The following DZIP1L variants were observed in gnomAD, a reference collection of about 807,000 sequenced individuals.
DZIP1L encodes cilium assembly protein DZIP1L.
Under a neutral mutation model 88.7 loss-of-function variants are expected in DZIP1L, and 90 were observed. That is an observed-to-expected ratio of 1.02 (90% CI 0.86 to 1.21). The LOEUF is 1.21. Among genes scored for constraint, DZIP1L ranks in the 50% most tolerant of loss-of-function variants. DZIP1L has a pLI of 0.00. For missense variants in DZIP1L, 932 were observed against 955.8 expected (o/e 0.98, Z 0.33); for synonymous variants, 363 against 372.1 (o/e 0.98, Z 0.28).
At chr3:138,070,377 T>C (rs1450130681) in intron 12 of DZIP1L, among the ~76,000 whole-genome samples, 2 of 152,242 alleles carry the variant, frequency 1.3e-5, no homozygotes, top group African/African-American at 4.8e-5. Flanking sequence ...TACCCTTCTG[T>C]CTGAGATTTC....
At chr3:138,114,235 C>G (rs1257944745) in intron 1 of DZIP1L, among the ~76,000 whole-genome samples, 1 of 152,204 alleles carries the variant, frequency 6.6e-6, no homozygotes, top group Non-Finnish European at 1.5e-5. Flanking sequence ...GGCAGCCTTT[C>G]CCTGCTCCTA....
chr3:138,080,777 C>T (rs185011519), intron 9 of DZIP1L, among the ~76,000 whole-genome samples, 157 bp from the exon 10 acceptor site: 13 of 152,220 alleles, frequency 8.5e-5, no homozygotes, highest in Admixed American at 3.3e-4. Flanking sequence ...CAGACACTGG[C>T]GGCAGAAAGA....
chr3:138,108,824 T>C (rs934033718), intron 1 of DZIP1L, among the ~76,000 whole-genome samples: 1 of 152,176 alleles, frequency 6.6e-6, no homozygotes, highest in Non-Finnish European at 1.5e-5. Flanking sequence ...TGTGTGATGA[T>C]AAATGGCAAC....
intron 2 of DZIP1L, among the ~76,000 whole-genome samples, chr3:138,098,539 G>C (rs77598013): frequency 0.013 from 1,959 of 152,236 alleles, 40 homozygotes; most frequent in African/African-American, 0.045. Flanking sequence ...TCTCAACACA[G>C]CTTTGGAGGC....
At chr3:138,087,124 A>G (rs900879775) in intron 6 of DZIP1L, 101 bp from the exon 7 acceptor site, 21 of 1,007,088 alleles carry the variant, frequency 2.1e-5, no homozygotes, top group Non-Finnish European at 3.0e-5. Flanking sequence ...GTAGGCAGAC[A>G]GAGTAGTGGA....
chr3:138,080,112 A>G (rs1284810983), intron 10 of DZIP1L, among the ~76,000 whole-genome samples: 1 of 152,182 alleles, frequency 6.6e-6, no homozygotes, highest in African/African-American at 2.4e-5. Context: ...AAGGGAGCCG[A>G]GGTGGATTCC....
intron 2 of DZIP1L, chr3:138,101,448 G>T: frequency 1.4e-6 from 1 of 731,380 alleles, no homozygotes; most frequent in South Asian, 1.5e-5. Context: ...GCCGCAGGAG[G>T]GGCAGGCTGG....
chr3:138,071,698 C>G lies in DZIP1L; in HGVS notation c.1560G>C (p.Ala520=). Residue 520 remains alanine (A), a synonymous_variant, in exon 12 of 16, where the codon GCG becomes GCC. Coordinates refer to ENST00000327532, the MANE Select transcript of DZIP1L (RefSeq NM_173543.3). ...CAGCGCCATTCTCCTGTCTCTCCTT[C>G]GCTCTGCTGGTGACTTCCTTGACAA... ...GKLVKEVTSR[A]KERQENGAVV... The G allele has an allele frequency of 1.2e-6, 2 of 1,614,216 alleles. No individual in the cohort carries two copies. Among genetic ancestry groups the G allele is most frequent in the Non-Finnish European group, 1.7e-6 (2 of 1,180,022 alleles).
chr3:138,114,879 C>T (rs1364013094), intron 1 of DZIP1L, among the ~76,000 whole-genome samples: 1 of 152,206 alleles, frequency 6.6e-6, no homozygotes, highest in Non-Finnish European at 1.5e-5. Context: ...AGAAGGGGAA[C>T]GAAAGATGCC....
chr3:138,103,352 A>G (rs2107845639), intron 2 of DZIP1L, 119 bp downstream of exon 2: 2 of 1,156,582 alleles, frequency 1.7e-6, no homozygotes, highest in East Asian at 2.4e-5. Flanking sequence ...GCTCCTAACC[A>G]GTGAGAACAG....
At chr3:138,068,025 AC>A (rs1942991324) in intron 13 of DZIP1L, 125 bp downstream of exon 13, 1 of 884,290 alleles carries the variant, frequency 1.1e-6, no homozygotes, top group African/African-American at 1.7e-5. Context: ...CACCTGAGGC[AC>A]CTTCTATTCA....
rs769667583 is a variant in DZIP1L at position 138,071,846 on chromosome 3, C to A, written c.1423-11G>T. On this transcript the variant is annotated splice_polypyrimidine_tract_variant and intron_variant, in intron 11 of 15. Coordinates refer to ENST00000327532, the MANE Select transcript of DZIP1L (RefSeq NM_173543.3). ...GATTCCCTTTGCATCCTAGAGGAGA[C>A]AGGAGTTCACCTTTACAGAGAGAGG... 4 of 1,606,378 alleles carry A rather than the reference C, an allele frequency of 2.5e-6. No homozygotes were observed. In the South Asian group the frequency reaches 3.3e-5, roughly 13 times the overall value.
Position 138,088,474 on chromosome 3 carries a change from C to T in DZIP1L, c.904G>A (p.Glu302Lys). The T allele has an allele frequency of 6.2e-7, 1 of 1,613,984 alleles. No individual in the cohort carries two copies. Among genetic ancestry groups the T allele is most frequent in the Middle Eastern group, 1.7e-4 (1 of 6,052 alleles). The change falls in exon 6 of 16, where the codon GAG (glutamate) becomes AAG (lysine). Residue 302 changes from glutamate to lysine, a missense_variant. Glu to Lys is a moderately conservative substitution (Grantham distance 56). Transcript: ENST00000327532. ...TCTCGCAGTGATCCCAGCTTGGACT[C>T]CATCACACTGTGGGACTGCAGTGCC... is the stretch of plus-strand genomic sequence containing the variant. ...LRALQSHSVM[E>K]SKLGSLRDEE...
chr3:138,098,612 A>C (rs1489321110), intron 2 of DZIP1L, among the ~76,000 whole-genome samples: 1 of 152,198 alleles, frequency 6.6e-6, no homozygotes, highest in Non-Finnish European at 1.5e-5. Context: ...TGTGACAGGA[A>C]TTGCCAGTTG....
chr3:138,094,815 G>A, intron 4 of DZIP1L, 47 bp downstream of exon 4: 1 of 1,612,056 alleles, frequency 6.2e-7, no homozygotes, highest in Non-Finnish European at 8.5e-7. Flanking sequence ...GGGTCTCCTG[G>A]GTAGTCCATG....
At chr3:138,079,716 CT>C (rs879796891) in intron 10 of DZIP1L, among the ~76,000 whole-genome samples, 1 of 151,436 alleles carries the variant, frequency 6.6e-6, no homozygotes, top group Non-Finnish European at 1.5e-5. Context: ...TATACCATTC[CT>C]TTTTTTTTCC....
chr3:138,103,266 T>C (rs1015552142), intron 2 of DZIP1L, among the ~76,000 whole-genome samples: 8 of 150,114 alleles, frequency 5.3e-5, no homozygotes, highest in Non-Finnish European at 8.9e-5. Context: ...TACACACACA[T>C]ACACACACAC....
At chr3:138,080,690 G>A (rs1318571869) in intron 9 of DZIP1L, 70 bp from the exon 10 acceptor site, 19 of 1,540,424 alleles carry the variant, frequency 1.2e-5, no homozygotes, top group Non-Finnish European at 9.8e-6. Flanking sequence ...GAAAAGTACA[G>A]AACCCCAGCT....
In DZIP1L at chr3:138,070,881, C is replaced by T. The variant is rs562063093; in HGVS notation, c.1615+762G>A. On this transcript the variant is annotated intron_variant, in intron 12 of 15. Coordinates refer to ENST00000327532, the MANE Select transcript of DZIP1L (RefSeq NM_173543.3). The stretch of plus-strand genomic sequence containing the variant: ...CCCCAGAGCCTCTCACCACAGCAGC[C>T]CAGACCCTCTTGGAACCCTCTGGAA... Among the ~76,000 whole-genome samples the T allele has an allele frequency of 3.9e-5, 6 of 152,248 alleles. No individual in the cohort carries two copies. In the East Asian group the frequency reaches 5.8e-4, roughly 15 times the overall value.
Sources: gnomAD v4.1 joint callset for allele counts (sites outside exome capture counted in the v4.1 genomes callset) on GRCh38, gnomAD v4.1.1 for gene constraint, MANE v1.5 for transcripts, NCBI Gene and HGNC (gene_info 2026-07-23, HGNC 2026-07-21) for gene names.